Variants in TNRC6A observed in about 807,000 individuals in gnomAD.
TNRC6A encodes trinucleotide repeat containing adaptor 6A.
In TNRC6A, 44 loss-of-function variants were observed where a neutral mutation model predicts 221.2. That is an observed-to-expected ratio of 0.20 (90% confidence interval 0.16 to 0.26). TNRC6A has a LOEUF of 0.26. TNRC6A is among the 10% of genes least tolerant of loss of function. TNRC6A has a pLI of 1.00. For missense variants in TNRC6A, 2,199 were observed against 2,404.4 expected (o/e 0.91, Z 1.79); for synonymous variants, 847 against 838.5 (o/e 1.01, Z -0.18).
chr16:24,785,362 G>A (rs1361958960), intron 5 of TNRC6A, among the ~76,000 whole-genome samples: 2 of 152,096 alleles, frequency 1.3e-5, no homozygotes, highest in East Asian at 3.9e-4. Context: ...TCATATCCAG[G>A]AACAAGTTTC....
chr16:24,765,171 A>G (rs753033338), intron 4 of TNRC6A, among the ~76,000 whole-genome samples: 1 of 152,184 alleles, frequency 6.6e-6, no homozygotes, highest in African/African-American at 2.4e-5. Flanking sequence ...AAGTTTCCCA[A>G]TTACAAGCCT....
chr16:24,769,367 T>G (rs530059716), intron 4 of TNRC6A, among the ~76,000 whole-genome samples: 20 of 152,136 alleles, frequency 1.3e-4, no homozygotes, highest in African/African-American at 4.6e-4. Flanking sequence ...AGATAATTTT[T>G]CCATTCTTAA....
chr16:24,810,876 A>G (rs1279803036), intron 18 of TNRC6A, among the ~76,000 whole-genome samples: 1 of 152,214 alleles, frequency 6.6e-6, no homozygotes. Flanking sequence ...GAGAGTTTCA[A>G]AAATTAAAAG....
At chr16:24,702,526 A>T (rs2056007328) in intron 2 of TNRC6A, among the ~76,000 whole-genome samples, 1 of 152,126 alleles carries the variant, frequency 6.6e-6, no homozygotes, top group African/African-American at 2.4e-5. Context: ...TATTTAAGCT[A>T]TTGCAGATTA....
chr16:24,817,422 T>C (rs2058678044), intron 20 of TNRC6A, among the ~76,000 whole-genome samples: 4 of 152,216 alleles, frequency 2.6e-5, no homozygotes, highest in Admixed American at 1.3e-4. Context: ...TATATTATTA[T>C]ATATGCTTAT....
At chr16:24,626,140 T>C (rs894744323) in intron 1 of TNRC6A, among the ~76,000 whole-genome samples, 4 of 152,088 alleles carry the variant, frequency 2.6e-5, no homozygotes, top group African/African-American at 7.2e-5. Context: ...CAGTTTTTTT[T>C]TCTCTTGCCC....
intron 3 of TNRC6A, among the ~76,000 whole-genome samples, chr16:24,754,126 A>G (rs926439139): frequency 6.6e-6 from 1 of 152,224 alleles, no homozygotes; most frequent in Non-Finnish European, 1.5e-5. Flanking sequence ...CAGAAAATGC[A>G]TACATTTAAT....
Position 24,789,313 on chromosome 16 carries a change from A to G in TNRC6A, c.671A>G (p.Asn224Ser). ...PVSSTSDSST[N>S]CKNAVVSDLS... Reference sequence around the variant, plus strand: ...TCTTCTACAAGTGATTCTAGCACAAACTGTAAGAATGCTGTTGTAAGTGAC... The same window carrying G: ...TCTTCTACAAGTGATTCTAGCACAAGCTGTAAGAATGCTGTTGTAAGTGAC... Residue 224 changes from asparagine to serine, a missense_variant, in exon 6 of 25, where the codon AAC becomes AGC. Around this residue, in one of 8 missense-constraint regions of TNRC6A, gnomAD observed 1,405 missense variants for 1,400.2 expected, o/e 1.00. Transcript: ENST00000395799. The G allele has an allele frequency of 6.2e-7, 1 of 1,614,212 alleles. No homozygotes were observed. The highest frequency in any genetic ancestry group is 8.5e-7 in the Non-Finnish European group (1 of 1,180,040).
chr16:24,622,904 G>A (rs1174606599), intron 1 of TNRC6A, among the ~76,000 whole-genome samples: 2 of 152,074 alleles, frequency 1.3e-5, no homozygotes, highest in East Asian at 3.8e-4. Flanking sequence ...TTATCTGTGC[G>A]GTACATAGGT....
chr16:24,777,389 AC>A lies in TNRC6A; in HGVS notation c.589+33del, dbSNP rs2057748861. 3.2e-6 allele frequency: 5 copies of A among 1,583,560 alleles called. No individual in the cohort carries two copies. In the East Asian group the frequency reaches 1.1e-4, roughly 35 times the overall value. On this transcript the variant is annotated intron_variant, in intron 5 of 24. Transcript: ENST00000395799. ...AGAAGGCATTTCTTACGAGACTCAC[AC>A]CTTATCATCATTAGCTGTATAGCAA... is the stretch of plus-strand genomic sequence containing the variant.
intron 15 of TNRC6A, 112 bp downstream of exon 15, chr16:24,805,845 G>A: frequency 7.3e-7 from 1 of 1,366,222 alleles, no homozygotes; most frequent in Non-Finnish European, 1.0e-6. Flanking sequence ...CGTAGTCATA[G>A]TCCTCATGGA....
chr16:24,787,182 T>C (rs1244393538), intron 5 of TNRC6A, among the ~76,000 whole-genome samples: 3 of 152,328 alleles, frequency 2.0e-5, no homozygotes, highest in African/African-American at 7.2e-5. Flanking sequence ...ATGCTTTACA[T>C]ATGATGATAA....
At chr16:24,665,612 G>A (rs1311919929) in intron 2 of TNRC6A, among the ~76,000 whole-genome samples, 1 of 152,124 alleles carries the variant, frequency 6.6e-6, no homozygotes, top group Admixed American at 6.6e-5. Context: ...ATAATTCTTT[G>A]TTCTGAGAGG....
At chr16:24,774,212 C>T (rs2057673646) in intron 4 of TNRC6A, among the ~76,000 whole-genome samples, 1 of 152,160 alleles carries the variant, frequency 6.6e-6, no homozygotes, top group South Asian at 2.1e-4. Context: ...ATATTTGTTA[C>T]CTAGCAACCC....
Position 24,797,562 on chromosome 16 carries a change from A to C in TNRC6A, c.3634A>C (p.Ser1212Arg). The C allele has an allele frequency of 6.2e-7, 1 of 1,610,328 alleles. No individual in the cohort carries two copies. Among genetic ancestry groups the C allele is most frequent in the Non-Finnish European group, 8.5e-7 (1 of 1,178,436 alleles). Residue 1212 changes from serine to arginine, a missense_variant, in exon 10 of 25, where the codon AGT becomes CGT. This residue lies in a region of TNRC6A where 158 missense variants were observed against 159.1 expected (regional missense o/e 0.99). Coordinates refer to ENST00000395799, the MANE Select transcript of TNRC6A (RefSeq NM_014494.4). ...NPFVKQFSNI[S>R]FSRDSPEENV... The stretch of plus-strand genomic sequence containing the variant: ...ATTTGTTAAACAGTTTTCAAACATC[A>C]GTTTTTCGGTAAGTATGTTTTCTTA...
At chr16:24,722,756 C>T (rs935551733) in intron 2 of TNRC6A, among the ~76,000 whole-genome samples, 23 of 151,930 alleles carry the variant, frequency 1.5e-4, no homozygotes, top group African/African-American at 2.7e-4. Flanking sequence ...TTATTGTATA[C>T]GAATTATACC....
At chr16:24,663,756 G>C (rs1317219776) in intron 2 of TNRC6A, 1 of 354,356 alleles carries the variant, frequency 2.8e-6, no homozygotes, top group Non-Finnish European at 5.6e-6. Flanking sequence ...GGCTTTTCTT[G>C]GGGATCAGTT....
chr16:24,823,932 T>C lies in TNRC6A; in HGVS notation c.*125T>C. 3.0e-6 allele frequency: 3 copies of C among 1,004,048 alleles called. No homozygotes were observed. Among genetic ancestry groups the C allele is most frequent in the Non-Finnish European group, 4.0e-6 (3 of 741,470 alleles). 62.2% of individuals were successfully genotyped at this position (1,004,048 alleles called of 1,614,324 possible). ...GCTATTCTCTGCACATTTTCCACTT[T>C]GTTTTCCCCAAAACATATCAGTTTG... is the stretch of plus-strand genomic sequence containing the variant. On this transcript the variant is annotated 3_prime_UTR_variant, in exon 25 of 25. Transcript: ENST00000395799. The surrounding 1 kb of genome is among the most constrained non-coding windows in gnomAD (Gnocchi z 4.3).
chr16:24,770,217 T>C (rs748474371), intron 4 of TNRC6A, among the ~76,000 whole-genome samples: 1 of 152,104 alleles, frequency 6.6e-6, no homozygotes, highest in Non-Finnish European at 1.5e-5. Context: ...AAGTATTTGG[T>C]GTGGTAGAAG....
Sources: allele counts gnomAD v4.1 joint callset (sites outside exome capture counted in the v4.1 genomes callset), GRCh38; gene constraint gnomAD v4.1.1; regional missense constraint gnomAD v4.1.1; non-coding constraint Gnocchi (gnomAD v3.1); transcripts MANE v1.5; gene names NCBI Gene and HGNC (gene_info 2026-07-23, HGNC 2026-07-21).